Variants in GRID2 observed in about 807,000 individuals in gnomAD.
The protein encoded by GRID2 is glutamate receptor ionotropic, delta-2.
Under a neutral mutation model 114.8 loss-of-function variants are expected in GRID2, and 33 were observed. The observed-to-expected ratio is 0.29, with a 90% CI of 0.22 to 0.38. The LOEUF (loss-of-function observed/expected upper bound fraction) is 0.38. Ranked by LOEUF, GRID2 falls within the 10% of genes least tolerant of loss-of-function variation. GRID2 has a pLI of 1.00. For synonymous variants in GRID2, 505 were observed against 449.9 expected, an observed-to-expected ratio of 1.12 and a Z score of -1.55; for missense variants, 1,184 against 1,257.7, an observed-to-expected ratio of 0.94 and a Z score of 0.89.
chr4:92,441,164 A>C (rs1733048496), intron 1 of GRID2, among the ~76,000 whole-genome samples: 2 of 152,130 alleles, frequency 1.3e-5, no homozygotes, highest in East Asian at 3.9e-4. Flanking sequence ...AACCATGCCT[A>C]GGAAGGAAAG....
intron 2 of GRID2, among the ~76,000 whole-genome samples, chr4:92,931,075 G>A (rs1380880052): frequency 6.7e-6 from 1 of 149,622 alleles, no homozygotes; most frequent in Non-Finnish European, 1.5e-5. Flanking sequence ...AGAAATTGCA[G>A]GTTTTTTACC....
chr4:93,380,518 A>G (rs997526460), intron 8 of GRID2, among the ~76,000 whole-genome samples: 1 of 151,540 alleles, frequency 6.6e-6, no homozygotes, highest in Non-Finnish European at 1.5e-5. Context: ...TTTCAATTTC[A>G]ATTAGGAAAA....
At chr4:92,626,758 G>A (rs1730543947) in intron 2 of GRID2, among the ~76,000 whole-genome samples, 1 of 151,938 alleles carries the variant, frequency 6.6e-6, no homozygotes, top group Non-Finnish European at 1.5e-5. Context: ...CACAACATAA[G>A]CAAAATCACA....
At chr4:93,004,612 G>A (rs1228762165) in intron 2 of GRID2, among the ~76,000 whole-genome samples, 3 of 151,844 alleles carry the variant, frequency 2.0e-5, no homozygotes, top group South Asian at 2.1e-4. Context: ...TTTATATCAC[G>A]ACACTCTTAT....
At chr4:93,567,759 C>G (rs945405467) in intron 13 of GRID2, among the ~76,000 whole-genome samples, 7 of 152,288 alleles carry the variant, frequency 4.6e-5, no homozygotes, top group East Asian at 1.9e-4. Flanking sequence ...GAGAATGGAA[C>G]AGTAACCTTG....
At chr4:93,200,909 A>C (rs1487291953) in intron 4 of GRID2, among the ~76,000 whole-genome samples, 4 of 152,184 alleles carry the variant, frequency 2.6e-5, no homozygotes, top group African/African-American at 4.8e-5. Context: ...AGAGATCAAT[A>C]AGGCACATGA....
intron 1 of GRID2, among the ~76,000 whole-genome samples, chr4:92,399,336 C>T (rs914352445): frequency 1.3e-5 from 2 of 152,130 alleles, no homozygotes; most frequent in Non-Finnish European, 2.9e-5. Flanking sequence ...ATTCCTCAAG[C>T]AGTTCCCGTC....
intron 14 of GRID2, among the ~76,000 whole-genome samples, chr4:93,678,930 T>C (rs991544576): frequency 6.7e-6 from 1 of 149,288 alleles, no homozygotes; most frequent in African/African-American, 2.5e-5. Context: ...CATAACAATA[T>C]TAACTTTAAA....
intron 10 of GRID2, among the ~76,000 whole-genome samples, chr4:93,433,923 G>A (rs185773003): frequency 8.5e-5 from 13 of 152,202 alleles, no homozygotes; most frequent in Admixed American, 2.6e-4. Context: ...AGAATCTAGC[G>A]TAAGTCCCTT....
chr4:92,699,049 TTA>T (rs1734549191), intron 2 of GRID2, among the ~76,000 whole-genome samples: 1 of 152,168 alleles, frequency 6.6e-6, no homozygotes. Context: ...TACTGTTTTA[TTA>T]TAGCCTCAAA....
chr4:92,641,702 C>G (rs1731362358), intron 2 of GRID2, among the ~76,000 whole-genome samples: 1 of 151,530 alleles, frequency 6.6e-6, no homozygotes, highest in South Asian at 2.1e-4. Context: ...ACAGGGGGTA[C>G]ATGTGCAGGT....
chr4:93,498,592 G>A (rs1483576099), intron 12 of GRID2, among the ~76,000 whole-genome samples: 4 of 151,740 alleles, frequency 2.6e-5, no homozygotes, highest in Non-Finnish European at 4.4e-5. Context: ...CTTACTTCTA[G>A]GGGTTTTTGG....
chr4:92,814,471 C>T (rs77191877), intron 2 of GRID2, among the ~76,000 whole-genome samples: 4,703 of 152,164 alleles, frequency 0.031, 128 homozygotes, highest in East Asian at 0.12. Flanking sequence ...AGGACATGCC[C>T]GTGGCTCACT....
intron 14 of GRID2, among the ~76,000 whole-genome samples, chr4:93,670,627 C>T (rs954033605): frequency 7.2e-5 from 11 of 152,174 alleles, no homozygotes; most frequent in East Asian, 3.9e-4. Context: ...AGGGGTCCTA[C>T]GGTGCATCAG....
intron 14 of GRID2, among the ~76,000 whole-genome samples, chr4:93,683,151 A>G (rs1435696668): frequency 6.6e-6 from 1 of 151,834 alleles, no homozygotes. Context: ...TCTCATCAGC[A>G]TAGCCTCTCT....
intron 2 of GRID2, among the ~76,000 whole-genome samples, chr4:92,757,943 C>CA (rs1737812496): frequency 1.3e-5 from 2 of 151,326 alleles, no homozygotes; most frequent in South Asian, 4.2e-4. Context: ...GGGCAAATTC[C>CA]AAAAAAGGAG....
chr4:92,562,744 T>C (rs1466542142), intron 1 of GRID2, among the ~76,000 whole-genome samples: 2 of 152,140 alleles, frequency 1.3e-5, no homozygotes, highest in Non-Finnish European at 2.9e-5. Flanking sequence ...AACCACATTT[T>C]ATTTATCTAT....
At chr4:92,715,001 G>A (rs552099595) in intron 2 of GRID2, among the ~76,000 whole-genome samples, 1 of 152,270 alleles carries the variant, frequency 6.6e-6, no homozygotes, top group South Asian at 2.1e-4. Flanking sequence ...CAGAAAATGG[G>A]ATTTTCTTTT....
chr4:93,337,652 C>T (rs1333595600), intron 8 of GRID2, among the ~76,000 whole-genome samples: 2 of 151,766 alleles, frequency 1.3e-5, no homozygotes, highest in Non-Finnish European at 2.9e-5. Context: ...CCTTGAAAAG[C>T]TGGTCATAAA....
Sources: gnomAD v4.1 joint callset for allele counts (sites outside exome capture counted in the v4.1 genomes callset) on GRCh38, gnomAD v4.1.1 for gene constraint, MANE v1.5 for transcripts, NCBI Gene and HGNC (gene_info 2026-07-23, HGNC 2026-07-21) for gene names.